TLE4: variants seen among roughly 807,000 people sequenced by gnomAD.
TLE4 encodes transducin-like enhancer protein 4.
A neutral mutation model predicts 92.8 loss-of-function variants in TLE4; 8 were observed. That is an observed-to-expected ratio of 0.09 (90% confidence interval 0.05 to 0.16). TLE4 has a LOEUF of 0.16. TLE4 is among the 10% of genes least tolerant of loss of function. TLE4 has a pLI of 1.00. For missense variants in TLE4, 675 were observed against 997.6 expected (o/e 0.68, Z 4.36); for synonymous variants, 371 against 374.1 (o/e 0.99, Z 0.10).
At chr9:79,651,712 C>T (rs754558510) in intron 6 of TLE4, among the ~76,000 whole-genome samples, 5 of 152,168 alleles carry the variant, frequency 3.3e-5, no homozygotes, top group East Asian at 1.9e-4. Context: ...GCTCAAGTAC[C>T]GCTGAGGACA....
At chr9:79,660,134 A>G (rs989724849) in intron 8 of TLE4, among the ~76,000 whole-genome samples, 6 of 152,222 alleles carry the variant, frequency 3.9e-5, no homozygotes, top group African/African-American at 1.4e-4. Context: ...CATTTAGAAT[A>G]TGAGCCATTC....
intron 8 of TLE4, among the ~76,000 whole-genome samples, chr9:79,678,064 G>A (rs1401019856): frequency 6.6e-6 from 1 of 152,052 alleles, no homozygotes; most frequent in Non-Finnish European, 1.5e-5. Context: ...TGTTTTATAC[G>A]TATGCAGTCT....
Position 79,722,338 on chromosome 9 carries a change from T to TTATCTTGA in TLE4, c.1987-111_1987-104dup, listed in dbSNP as rs2075784579. The TTATCTTGA allele has an allele frequency of 3.1e-6, 4 of 1,301,580 alleles. No individual in the cohort carries two copies. The Admixed American group carries it at 1.1e-4, about 35-fold the overall frequency. The allele number at this position is 1,301,580 out of a possible 1,614,324, so 80.6% of individuals were successfully genotyped here. ...TTGGTTCTCCCCTGTACAATTCAAA[T>TTATCTTGA]TATCTTGATTTTCTTCATAATTTAA... On this transcript the variant is annotated intron_variant, in intron 17 of 19. Coordinates refer to ENST00000376552, the MANE Select transcript of TLE4 (RefSeq NM_007005.6).
chr9:79,573,869 C>T (rs908559856), intron 2 of TLE4, 83 bp downstream of exon 2: 1 of 1,017,754 alleles, frequency 9.8e-7, no homozygotes, highest in Non-Finnish European at 1.3e-6. Context: ...TTACCCTCCT[C>T]CTTTTTTGTG....
At chr9:79,720,435 T>A (rs1328480677) in intron 16 of TLE4, 142 bp downstream of exon 16, 2 of 1,119,874 alleles carry the variant, frequency 1.8e-6, no homozygotes, top group South Asian at 2.3e-5. Context: ...TAAAGTGATA[T>A]AATTATCTTA....
chr9:79,717,145 T>C (rs982052095), intron 14 of TLE4, among the ~76,000 whole-genome samples: 5 of 152,208 alleles, frequency 3.3e-5, no homozygotes, highest in African/African-American at 1.2e-4. Context: ...CCATCACTTC[T>C]TTATGGATGA....
intron 4 of TLE4, among the ~76,000 whole-genome samples, chr9:79,585,718 A>C (rs544352185): frequency 6.6e-6 from 1 of 152,204 alleles, no homozygotes; most frequent in South Asian, 2.1e-4. Context: ...AGAATTTTTA[A>C]AATCCAAAGT....
chr9:79,680,764 T>C (rs557703647), intron 8 of TLE4, among the ~76,000 whole-genome samples: 1 of 152,300 alleles, frequency 6.6e-6, no homozygotes, highest in East Asian at 1.9e-4. Flanking sequence ...GCTGTGGGTT[T>C]GTCATAGATA....
chr9:79,722,310 A>G (rs1434166360), intron 17 of TLE4, 141 bp from the exon 18 acceptor site: 1 of 993,604 alleles, frequency 1.0e-6, no homozygotes, highest in African/African-American at 1.6e-5. Context: ...CGCCCATTTG[A>G]CTTTGGTTCT....
In TLE4 at chr9:79,655,446, A is replaced by AT. The variant is rs201030199; in HGVS notation, c.609+1380dup. Among the ~76,000 whole-genome samples, 734 of 151,660 alleles carry AT rather than the reference A, an allele frequency of 4.8e-3. 5 individuals are homozygous for AT. The highest frequency in any genetic ancestry group is 7.3e-3 in the Non-Finnish European group (494 of 67,846). ...TCCTTGTCGTTTTACAATTAAAGGA[A>AT]TTTTTTTTTCAGAGCCCTTAAGTAA... On this transcript the variant is annotated intron_variant, in intron 8 of 19. Transcript: ENST00000376552.
intron 5 of TLE4, among the ~76,000 whole-genome samples, chr9:79,627,144 G>A (rs2052824090): frequency 6.6e-6 from 1 of 151,958 alleles, no homozygotes; most frequent in Non-Finnish European, 1.5e-5. Flanking sequence ...TTCTTCATGG[G>A]GTCACAGAGA....
chr9:79,629,553 A>T (rs1000497991), intron 6 of TLE4, among the ~76,000 whole-genome samples: 1 of 152,200 alleles, frequency 6.6e-6, no homozygotes, highest in African/African-American at 2.4e-5. Context: ...CTAACTCAGC[A>T]GTACATTCTG....
At chr9:79,657,137 T>C (rs2059896020) in intron 8 of TLE4, among the ~76,000 whole-genome samples, 1 of 152,196 alleles carries the variant, frequency 6.6e-6, no homozygotes, top group African/African-American at 2.4e-5. Flanking sequence ...GTTGTAGGGC[T>C]GTTGAAGTCA....
At chr9:79,606,187 GTT>G (rs71364420) in intron 4 of TLE4, among the ~76,000 whole-genome samples, 14 of 28,708 alleles carry the variant, frequency 4.9e-4, no homozygotes, top group African/African-American at 1.2e-3. Context: ...AGTAGTAGTT[GTT>G]TTTTTTTTTT....
intron 8 of TLE4, among the ~76,000 whole-genome samples, chr9:79,692,072 GC>G (rs1449579250): frequency 6.6e-6 from 1 of 151,974 alleles, no homozygotes. Context: ...GTGTCTGCAT[GC>G]CCCCCTCCCC....
intron 6 of TLE4, among the ~76,000 whole-genome samples, chr9:79,628,873 AGT>A (rs34212290): frequency 0.44 from 65,397 of 147,826 alleles, 14,285 homozygotes; most frequent in East Asian, 0.57. Flanking sequence ...TTTAAAGTTA[AGT>A]GTGTGTGTGT....
Position 79,721,804 on chromosome 9 carries a change from C to G in TLE4, c.1902C>G (p.Leu634=), listed in dbSNP as rs1347253879. 6.2e-7 allele frequency: 1 copy of G among 1,614,210 alleles called. No individual in the cohort carries two copies. The highest frequency in any genetic ancestry group is 2.2e-5 in the East Asian group (1 of 44,876). ...ACATTTCTAATGATGGCACCAAGCT[C>G]TGGACAGGTGGTTTGGACAACACGG... ...CIDISNDGTK[L]WTGGLDNTVR... The change falls in exon 17 of 20, where the codon CTC becomes CTG. Residue 634 remains leucine (L), a synonymous_variant. Transcript: ENST00000376552.
intron 8 of TLE4, among the ~76,000 whole-genome samples, chr9:79,682,915 T>C (rs2065028944): frequency 6.6e-6 from 1 of 152,198 alleles, no homozygotes; most frequent in Non-Finnish European, 1.5e-5. Flanking sequence ...TAAAAAAATG[T>C]AGGAATACAC....
intron 19 of TLE4, 87 bp from the exon 20 acceptor site, chr9:79,724,950 A>G (rs2136326305): frequency 1.0e-6 from 1 of 961,300 alleles, no homozygotes; most frequent in East Asian, 3.0e-5. Context: ...CAAGGAGCAC[A>G]TTACATTTGC....
Sources: gnomAD v4.1 joint callset for allele counts (sites outside exome capture counted in the v4.1 genomes callset) on GRCh38, gnomAD v4.1.1 for gene constraint, MANE v1.5 for transcripts, NCBI Gene and HGNC (gene_info 2026-07-23, HGNC 2026-07-21) for gene names.